BACH2: variants seen among roughly 807,000 people sequenced by gnomAD.
BACH2 encodes BACH transcriptional regulator 2, also known as transcription regulator protein BACH2.
Under a neutral mutation model 61.8 loss-of-function variants are expected in BACH2, and 5 were observed. That is an observed-to-expected ratio of 0.08 (90% CI 0.04 to 0.17). BACH2 has a LOEUF of 0.17. BACH2 is among the 10% of genes least tolerant of loss of function. BACH2 has a pLI of 1.00. For synonymous variants in BACH2, 446 were observed against 440.1 expected (o/e 1.01, Z -0.17); for missense variants, 824 against 1,091.1 (o/e 0.76, Z 3.45).
intron 6 of BACH2, among the ~76,000 whole-genome samples, chr6:89,976,508 T>C (rs138177024): frequency 6.6e-6 from 1 of 152,348 alleles, no homozygotes; most frequent in African/African-American, 2.4e-5. Context: ...TACTTGCTCC[T>C]GCAATTGTGT....
chr6:90,008,914 T>G lies in BACH2; in HGVS notation c.-12-58A>C. The G allele has an allele frequency of 1.3e-6, 2 of 1,581,358 alleles. No individual in the cohort carries two copies. Among genetic ancestry groups the G allele is most frequent in the Non-Finnish European group, 1.7e-6 (2 of 1,162,782 alleles). ...AAGAAAGGCTGAGTCACCACAGCTG[T>G]AGGATCAGAGAGAGGAGGTGAGAAA... On this transcript the variant is annotated intron_variant, in intron 5 of 8. Coordinates refer to ENST00000257749, the MANE Select transcript of BACH2 (RefSeq NM_021813.4). The surrounding 1 kb of genome is among the most constrained non-coding windows in gnomAD (Gnocchi z 4.1).
At chr6:90,154,982 T>C (rs553252999) in intron 4 of BACH2, among the ~76,000 whole-genome samples, 45 of 152,206 alleles carry the variant, frequency 3.0e-4, no homozygotes, top group Admixed American at 5.9e-4. Flanking sequence ...ATAAGTCAGG[T>C]TGCACAGCAG....
At chr6:89,972,467 C>T (rs998211592) in intron 6 of BACH2, among the ~76,000 whole-genome samples, 1 of 152,144 alleles carries the variant, frequency 6.6e-6, no homozygotes, top group Non-Finnish European at 1.5e-5. Context: ...TTCTAACTAA[C>T]CAAAGCCACA....
At chr6:90,211,400 A>G (rs937297256) in intron 3 of BACH2, among the ~76,000 whole-genome samples, 4 of 152,032 alleles carry the variant, frequency 2.6e-5, no homozygotes, top group Admixed American at 2.6e-4. Context: ...GTGTCAGCAA[A>G]TGGGAGTTGG....
intron 4 of BACH2, among the ~76,000 whole-genome samples, chr6:90,130,855 C>A (rs183379684): frequency 1.7e-3 from 264 of 152,350 alleles, no homozygotes; most frequent in South Asian, 3.3e-3. Flanking sequence ...TGCTTTAAGA[C>A]CTGCGGTTAA....
intron 2 of BACH2, among the ~76,000 whole-genome samples, chr6:90,253,735 T>C (rs911278253): frequency 6.6e-6 from 1 of 152,166 alleles, no homozygotes; most frequent in Non-Finnish European, 1.5e-5. Flanking sequence ...CGTGGAAGAA[T>C]CCAAGTGTAT....
In BACH2 at chr6:89,951,251, C is replaced by G. The variant is rs753448480; in HGVS notation, c.855G>C (p.Glu285Asp). Residue 285 changes from glutamate to aspartate, a missense_variant, in exon 7 of 9, where the codon GAG becomes GAC. Glu to Asp is a conservative substitution (Grantham distance 45). Around this residue, in one of 8 missense-constraint regions of BACH2, gnomAD observed 226 missense variants for 228.5 expected, o/e 0.99. Transcript: ENST00000257749. This position sits in a 1 kb window ranked among gnomAD's most constrained non-coding sequence, Gnocchi z 6.4. ...ACAGGCAGAGCGTGATGCTCTCTTCCTCATTCTCTTCACTGGGCGGCTCAC... is the reference window on the plus strand; with the variant it reads ...ACAGGCAGAGCGTGATGCTCTCTTCGTCATTCTCTTCACTGGGCGGCTCAC... ...IKSEPPSEEN[E>D]EESITLCLSG... The G allele has an allele frequency of 1.9e-6, 3 of 1,614,178 alleles. No homozygotes were observed. The highest frequency in any genetic ancestry group is 1.3e-5 in the African/African-American group (1 of 75,054).
At chr6:89,948,889 TA>T (rs1300419183) in intron 7 of BACH2, among the ~76,000 whole-genome samples, 2 of 152,160 alleles carry the variant, frequency 1.3e-5, no homozygotes, top group Non-Finnish European at 2.9e-5. Flanking sequence ...TATTTTAAAT[TA>T]AATCCTTGCA....
intron 4 of BACH2, among the ~76,000 whole-genome samples, chr6:90,123,485 T>C (rs1283295535): frequency 3.3e-5 from 5 of 152,024 alleles, no homozygotes; most frequent in Non-Finnish European, 7.4e-5. Context: ...AGAAGACCGG[T>C]GGGGGCCGGG....
intron 6 of BACH2, among the ~76,000 whole-genome samples, chr6:89,982,912 C>G (rs1776038571): frequency 6.6e-6 from 1 of 152,156 alleles, no homozygotes; most frequent in Non-Finnish European, 1.5e-5. Flanking sequence ...CCCATTCCTG[C>G]AGAATGTTTT....
intron 4 of BACH2, among the ~76,000 whole-genome samples, chr6:90,162,043 A>C (rs1191918473): frequency 6.6e-6 from 1 of 152,022 alleles, no homozygotes; most frequent in East Asian, 1.9e-4. Flanking sequence ...CGGACCCAAC[A>C]ATGCTGCTCC....
At chr6:90,023,229 C>T (rs1213057868) in intron 5 of BACH2, among the ~76,000 whole-genome samples, 3 of 152,142 alleles carry the variant, frequency 2.0e-5, no homozygotes, top group Non-Finnish European at 2.9e-5. Flanking sequence ...CTGTCCAAAT[C>T]TCATGTTCAA....
intron 5 of BACH2, among the ~76,000 whole-genome samples, chr6:90,043,036 A>C (rs940452982): frequency 2.0e-5 from 3 of 152,148 alleles, no homozygotes; most frequent in Non-Finnish European, 4.4e-5. Context: ...GGGGTGAGAG[A>C]GAATGAAAAG....
At chr6:90,143,601 C>A (rs1053861807) in intron 4 of BACH2, among the ~76,000 whole-genome samples, 1 of 152,110 alleles carries the variant, frequency 6.6e-6, no homozygotes, top group Non-Finnish European at 1.5e-5. Context: ...TCTGAGGTAC[C>A]CTGAGGCCAT....
intron 3 of BACH2, among the ~76,000 whole-genome samples, chr6:90,237,193 G>A (rs1386668978): frequency 6.6e-6 from 1 of 152,218 alleles, no homozygotes; most frequent in Non-Finnish European, 1.5e-5. Flanking sequence ...AAAGTGCTGG[G>A]ATTACAGGCG....
At chr6:90,140,597 AGCAAATATTTTCAATCAATAG>A (rs1784428820) in intron 4 of BACH2, among the ~76,000 whole-genome samples, 1 of 152,246 alleles carries the variant, frequency 6.6e-6, no homozygotes, top group Admixed American at 6.5e-5. Flanking sequence ...CCCAGGTGGT[AGCAAATATTTTCAATCAATAG>A]GTTTGGACAG....
rs138800850 is a variant in BACH2, at chr6:89,932,477, G to A, written c.2457C>T (p.Thr819=). Reference sequence around the variant, plus strand: ...CAGTCATTTCCTGGCAGAAGTCCACGGTCACTGTTTGGCTCCTGGGTTCAA... The same window carrying A: ...CAGTCATTTCCTGGCAGAAGTCCACAGTCACTGTTTGGCTCCTGGGTTCAA... The part of the protein sequence containing the change: ...PPLEPRSQTV[T]VDFCQEMTDK... Residue 819 remains threonine (T), a synonymous_variant, in exon 9 of 9, where the codon ACC becomes ACT. Transcript: ENST00000257749. 2.4e-4 allele frequency: 390 copies of A among 1,613,920 alleles called. No individual in the cohort carries two copies. Among genetic ancestry groups the A allele is most frequent in the Non-Finnish European group, 3.1e-4 (366 of 1,179,992 alleles).
chr6:90,142,079 T>G (rs1201078075), intron 4 of BACH2, among the ~76,000 whole-genome samples: 1 of 152,186 alleles, frequency 6.6e-6, no homozygotes, highest in Non-Finnish European at 1.5e-5. Flanking sequence ...AGACTCTGTC[T>G]CAAAAAAAAT....
At chr6:89,986,552 T>C (rs773016464) in intron 6 of BACH2, among the ~76,000 whole-genome samples, 1 of 152,200 alleles carries the variant, frequency 6.6e-6, no homozygotes, top group Non-Finnish European at 1.5e-5. Flanking sequence ...ATACACATAA[T>C]GGAGCATTCT....
Sources: allele counts gnomAD v4.1 joint callset (sites outside exome capture counted in the v4.1 genomes callset), GRCh38; gene constraint gnomAD v4.1.1; regional missense constraint gnomAD v4.1.1; non-coding constraint Gnocchi (gnomAD v3.1); transcripts MANE v1.5; gene names NCBI Gene and HGNC (gene_info 2026-07-23, HGNC 2026-07-21).